The following FOXP2 variants were observed in gnomAD, a reference collection of about 807,000 sequenced individuals.
FOXP2 encodes forkhead box P2, also known as forkhead box protein P2.
A neutral mutation model predicts 115.8 loss-of-function variants in FOXP2; 12 were observed. The ratio of observed to expected loss-of-function variants is 0.10; its 90% CI spans 0.07 to 0.17. The LOEUF is 0.17. Among genes scored for constraint, FOXP2 ranks in the 10% least tolerant of loss-of-function variants. The probability of loss-of-function intolerance (pLI) is 1.00; values close to 1 mark genes in which losing one functional copy is unlikely to be tolerated. For synonymous variants in FOXP2, 328 were observed against 297.7 expected, an observed-to-expected ratio of 1.10 and a Z score of -1.05; for missense variants, 629 against 843.5, an observed-to-expected ratio of 0.75 and a Z score of 3.15.
intron 16 of FOXP2, among the ~76,000 whole-genome samples, chr7:114,676,075 A>ATTTTTTTTTTTTTTTTTTTTTTT (rs11327459): frequency 1.1e-5 from 1 of 89,564 alleles, no homozygotes; most frequent in Non-Finnish European, 2.0e-5. Flanking sequence ...AGGCCCGGCT[A>ATTTTTTTTTTTTTTTTTTTTTTT]TTTTTTTTTT....
At chr7:114,572,286 T>C (rs1256546832) in intron 3 of FOXP2, among the ~76,000 whole-genome samples, 1 of 151,550 alleles carries the variant, frequency 6.6e-6, no homozygotes, top group Admixed American at 6.6e-5. Flanking sequence ...GGGTAATAAA[T>C]GTTATATATG....
At chr7:114,390,522 G>GTATGTATGTATGTATGTATT (rs1554382697) in intron 2 of FOXP2, among the ~76,000 whole-genome samples, 119 of 148,362 alleles carry the variant, frequency 8.0e-4, no homozygotes, top group African/African-American at 2.9e-3. Flanking sequence ...TTTTATTTAT[G>GTATGTATGTATGTATGTATT]TATTTATTTA....
intron 10 of FOXP2, among the ~76,000 whole-genome samples, chr7:114,657,554 C>T (rs1273779035): frequency 6.6e-6 from 1 of 152,092 alleles, no homozygotes; most frequent in African/African-American, 2.4e-5. Context: ...TACCATTCCA[C>T]CAAATTAGCA....
At chr7:114,427,766 T>G (rs1354480217) in intron 2 of FOXP2, among the ~76,000 whole-genome samples, 1 of 151,596 alleles carries the variant, frequency 6.6e-6, no homozygotes, top group Non-Finnish European at 1.5e-5. Flanking sequence ...AGATACATTA[T>G]TTTAAACAAT....
At chr7:114,278,290 G>A (rs1796242921) in intron 1 of FOXP2, among the ~76,000 whole-genome samples, 1 of 151,822 alleles carries the variant, frequency 6.6e-6, no homozygotes, top group Non-Finnish European at 1.5e-5. Flanking sequence ...TTAGAGATGA[G>A]ATTATGTAAG....
At chr7:114,291,644 T>C (rs1796592856) in intron 2 of FOXP2, among the ~76,000 whole-genome samples, 1 of 151,440 alleles carries the variant, frequency 6.6e-6, no homozygotes, top group South Asian at 2.1e-4. Flanking sequence ...CAGGGTCCTC[T>C]TCCAAACTCA....
chr7:114,355,576 G>A (rs1791600084), intron 2 of FOXP2, among the ~76,000 whole-genome samples: 1 of 151,990 alleles, frequency 6.6e-6, no homozygotes. Flanking sequence ...CTGCATTTTG[G>A]ATCTGTATTT....
At chr7:114,217,029 T>G (rs1028188723) in intron 1 of FOXP2, among the ~76,000 whole-genome samples, 1 of 152,212 alleles carries the variant, frequency 6.6e-6, no homozygotes, top group African/African-American at 2.4e-5. Flanking sequence ...GTTTGAGTGT[T>G]ATTTATCACC....
chr7:114,632,513 G>A (rs543204494), intron 6 of FOXP2, among the ~76,000 whole-genome samples: 1 of 152,132 alleles, frequency 6.6e-6, no homozygotes, highest in Non-Finnish European at 1.5e-5. Context: ...TTTGGATTTT[G>A]TTGGGACAAA....
At chr7:114,344,650 A>G (rs982737537) in intron 2 of FOXP2, among the ~76,000 whole-genome samples, 4 of 151,856 alleles carry the variant, frequency 2.6e-5, no homozygotes, top group Non-Finnish European at 5.9e-5. Flanking sequence ...TAAGAGATAC[A>G]TACATAGAGT....
At chr7:114,152,410 T>C (rs991699715) in intron 1 of FOXP2, among the ~76,000 whole-genome samples, 1 of 152,200 alleles carries the variant, frequency 6.6e-6, no homozygotes, top group African/African-American at 2.4e-5. Context: ...CTTCTACAGA[T>C]GGTAGAGTGT....
chr7:114,497,925 T>G (rs1321219031), intron 2 of FOXP2, among the ~76,000 whole-genome samples: 2 of 152,104 alleles, frequency 1.3e-5, no homozygotes, highest in African/African-American at 4.8e-5. Context: ...AGATTCAGAT[T>G]AAAAAACTCA....
chr7:114,115,369 T>A (rs1051818070), intron 1 of FOXP2, among the ~76,000 whole-genome samples: 5 of 152,172 alleles, frequency 3.3e-5, no homozygotes, highest in Non-Finnish European at 7.3e-5. Context: ...CTTTTTATGT[T>A]ATCCCTGTGG....
chr7:114,391,119 G>A (rs62469231), intron 2 of FOXP2, among the ~76,000 whole-genome samples: 1,604 of 152,008 alleles, frequency 0.011, 19 homozygotes, highest in Non-Finnish European at 0.016. Context: ...CCCGGGAGGC[G>A]GAGGTTGCAG....
intron 1 of FOXP2, among the ~76,000 whole-genome samples, chr7:114,098,705 AAAAT>A (rs1799706257): frequency 2.6e-5 from 4 of 152,366 alleles, no homozygotes; most frequent in African/African-American, 7.2e-5. Flanking sequence ...TACAAAAACG[AAAAT>A]AAATAAATGG....
At chr7:114,416,713 C>T (rs1409665551) in intron 1 of FOXP2, among the ~76,000 whole-genome samples, 1 of 151,928 alleles carries the variant, frequency 6.6e-6, no homozygotes, top group Non-Finnish European at 1.5e-5. Flanking sequence ...TTTGTCTTTA[C>T]AGTCAGCCCT....
chr7:114,231,668 C>T (rs1328828463), intron 1 of FOXP2, among the ~76,000 whole-genome samples: 1 of 152,152 alleles, frequency 6.6e-6, no homozygotes, highest in African/African-American at 2.4e-5. Flanking sequence ...TGGATATCCA[C>T]ATGCCGAATA....
chr7:114,129,625 C>T (rs1160982110), intron 1 of FOXP2, among the ~76,000 whole-genome samples: 2 of 152,154 alleles, frequency 1.3e-5, no homozygotes, highest in African/African-American at 4.8e-5. Flanking sequence ...CAAGGGATGT[C>T]ATCTTACTTT....
chr7:114,554,768 A>G (rs75124371), intron 3 of FOXP2, among the ~76,000 whole-genome samples: 3,103 of 152,236 alleles, frequency 0.02, 51 homozygotes, highest in South Asian at 0.072. Context: ...TTTTAATACT[A>G]ATTTTTTTTC....
Sources: allele counts gnomAD v4.1 joint callset (sites outside exome capture counted in the v4.1 genomes callset), GRCh38; gene constraint gnomAD v4.1.1; transcripts MANE v1.5; gene names NCBI Gene and HGNC (gene_info 2026-07-23, HGNC 2026-07-21).